The following TERF2IP variants were observed in gnomAD, a reference collection of about 807,000 sequenced individuals.
TERF2IP encodes TERF2 interacting protein, also known as telomeric repeat-binding factor 2-interacting protein 1.
TERF2IP carries 35 observed loss-of-function variants against 33.3 expected under a neutral mutation model. That is an observed-to-expected ratio of 1.05 (90% CI 0.80 to 1.39). TERF2IP has a LOEUF of 1.39. Among genes scored for constraint, TERF2IP ranks in the 40% most tolerant of loss-of-function variants. The probability of loss-of-function intolerance (pLI) is 0.00; values close to 1 mark genes in which losing one functional copy is unlikely to be tolerated. For synonymous variants in TERF2IP, 253 were observed against 223.2 expected (o/e 1.13, Z -1.19); for missense variants, 583 against 524.8 (o/e 1.11, Z -1.08).
At chr16:75,655,402 G>A (rs1363870331) in intron 2 of TERF2IP, among the ~76,000 whole-genome samples, 1 of 152,134 alleles carries the variant, frequency 6.6e-6, no homozygotes, top group African/African-American at 2.4e-5. Context: ...AGCGTCTTGT[G>A]AACTAACAAA....
At position 75,647,819 on chromosome 16, in the gene TERF2IP, G is replaced by A. The variant is rs2082309895; in HGVS notation, c.-64G>A. The A allele has an allele frequency of 4.4e-6, 7 of 1,590,130 alleles. No individual in the cohort carries two copies. The stretch of plus-strand genomic sequence containing the variant: ...GGCGTCTGCGGTGACAGCTCAGTCA[G>A]TTGAGCTCTGTGTGCCAGGCGCTCG... On this transcript the variant is annotated 5_prime_UTR_variant, in exon 1 of 3. Transcript: ENST00000300086.
rs777339949 is a variant in TERF2IP at position 75,647,849 on chromosome 16, G to A, written c.-34G>A. Reference sequence around the variant, plus strand: ...GCTCTGTGTGCCAGGCGCTCGCGAGGGGGTAGCTCTTCTAGTAGTGCTCGG... The same window carrying A: ...GCTCTGTGTGCCAGGCGCTCGCGAGAGGGTAGCTCTTCTAGTAGTGCTCGG... On this transcript the variant is annotated 5_prime_UTR_variant, in exon 1 of 3. Coordinates refer to ENST00000300086, the MANE Select transcript of TERF2IP (RefSeq NM_018975.4). The A allele has an allele frequency of 4.4e-6, 7 of 1,596,522 alleles. No homozygotes were observed. The highest frequency in any genetic ancestry group is 1.7e-5 in the Admixed American group (1 of 58,054).
intron 2 of TERF2IP, 148 bp downstream of exon 2, chr16:75,654,545 GA>G: frequency 2.3e-6 from 2 of 868,232 alleles, no homozygotes; most frequent in Non-Finnish European, 3.3e-6. Context: ...AAATGGGACT[GA>G]TCTGGGCTTC....
chr16:75,648,889 G>A (rs1347996043), intron 1 of TERF2IP, among the ~76,000 whole-genome samples: 1 of 151,034 alleles, frequency 6.6e-6, no homozygotes, highest in East Asian at 2.0e-4. Flanking sequence ...TTGAGTGGGG[G>A]CTCGCTCCGT....
chr16:75,648,669 C>G, intron 1 of TERF2IP, 117 bp downstream of exon 1: 1 of 1,434,252 alleles, frequency 7.0e-7, no homozygotes, highest in Non-Finnish European at 9.1e-7. Context: ...GCCCCGCCCC[C>G]TGTTGACATC....
At chr16:75,652,488 A>T (rs2082354766) in intron 1 of TERF2IP, among the ~76,000 whole-genome samples, 1 of 152,220 alleles carries the variant, frequency 6.6e-6, no homozygotes, top group Admixed American at 6.5e-5. Flanking sequence ...ACCTGATTTT[A>T]GTTCATGGCA....
intron 1 of TERF2IP, chr16:75,648,787 C>G (rs2082324264): frequency 8.3e-7 from 1 of 1,203,008 alleles, no homozygotes; most frequent in Non-Finnish European, 1.1e-6. Flanking sequence ...CTCCTGAGCT[C>G]AAGCGATCCT....
chr16:75,654,918 C>T (rs568915262), intron 2 of TERF2IP, among the ~76,000 whole-genome samples: 17 of 152,164 alleles, frequency 1.1e-4, no homozygotes, highest in East Asian at 5.8e-4. Context: ...TTAGTAGAGA[C>T]GGGGTTTCAC....
chr16:75,648,150 C>G lies in TERF2IP; in HGVS notation c.268C>G (p.Arg90Gly). The part of the protein sequence containing the change: ...STQYILDCVE[R>G]NERLELEAYR... ...GCAGTACATCCTGGACTGCGTGGAG[C>G]GCAACGAGAGGCTGGAGCTGGAGGC... Residue 90 changes from arginine (R) to glycine (G), a missense_variant, in exon 1 of 3, where the codon CGC (arginine) becomes GGC (glycine). Arg to Gly is a moderately radical substitution (Grantham distance 125). Transcript: ENST00000300086. 1.9e-6 allele frequency: 3 copies of G among 1,564,370 alleles called. No homozygotes were observed. In the South Asian group the frequency reaches 3.5e-5, roughly 18 times the overall value.
intron 1 of TERF2IP, among the ~76,000 whole-genome samples, chr16:75,653,845 G>A (rs1434135429): frequency 1.3e-5 from 2 of 152,028 alleles, no homozygotes; most frequent in African/African-American, 2.4e-5. Context: ...TTCTCTCTCT[G>A]CCCACTCCTG....
intron 1 of TERF2IP, among the ~76,000 whole-genome samples, chr16:75,649,273 G>T (rs917430313): frequency 6.6e-5 from 10 of 152,230 alleles, no homozygotes; most frequent in African/African-American, 2.2e-4. Context: ...GCCGGGCGCG[G>T]CGGCTCAAGC....
At chr16:75,651,788 T>C (rs1015759402) in intron 1 of TERF2IP, among the ~76,000 whole-genome samples, 24 of 152,264 alleles carry the variant, frequency 1.6e-4, no homozygotes, top group Non-Finnish European at 3.2e-4. Flanking sequence ...ATAATAAATA[T>C]GTGTGTTGGA....
At chr16:75,650,460 C>T (rs1422307666) in intron 1 of TERF2IP, among the ~76,000 whole-genome samples, 1 of 152,168 alleles carries the variant, frequency 6.6e-6, no homozygotes, top group African/African-American at 2.4e-5. Flanking sequence ...TTAATTATAG[C>T]AGATGAGGTT....
In TERF2IP at chr16:75,656,853, G is replaced by A; in HGVS notation, c.*242G>A. The A allele has an allele frequency of 2.0e-6, 1 of 488,384 alleles. No individual in the cohort carries two copies. Among genetic ancestry groups the A allele is most frequent in the Non-Finnish European group, 3.6e-6 (1 of 276,486 alleles). The allele number at this position is 488,384 out of a possible 1,614,324, so 30.3% of individuals were successfully genotyped here. A position where few individuals can be genotyped will look rare whatever the true frequency, so the allele number is the denominator to read the frequency against. On this transcript the variant is annotated 3_prime_UTR_variant, in exon 3 of 3. Transcript: ENST00000300086. ...ACAAGTATCAATGTGTTTATGAAAG[G>A]AAGATCTAAATCAGACAGGAGTTGG...
Position 75,654,494 on chromosome 16 carries a change from G to C in TERF2IP, c.795+97G>C, listed in dbSNP as rs72563121. On this transcript the variant is annotated intron_variant, in intron 2 of 2. Coordinates refer to ENST00000300086, the MANE Select transcript of TERF2IP (RefSeq NM_018975.4). Reference sequence around the variant, plus strand: ...ACCTTTTTCATCTACCTGGGGCTCAGGAAAGTGAGAGAGGAGTTCAAGATG... The same window carrying C: ...ACCTTTTTCATCTACCTGGGGCTCACGAAAGTGAGAGAGGAGTTCAAGATG... 0.021 allele frequency: 28,065 copies of C among 1,318,914 alleles called. 520 individuals are homozygous for C. Among genetic ancestry groups the C allele is most frequent in the African/African-American group, 0.069 (4,677 of 67,864 alleles). The allele number at this position is 1,318,914 out of a possible 1,614,324, so 81.7% of individuals were successfully genotyped here. A position where few individuals can be genotyped will look rare whatever the true frequency, so the allele number is the denominator to read the frequency against.
In TERF2IP at chr16:75,656,611, A is replaced by C; in HGVS notation, c.1200A>C (p.Ter400TyrextTer4). The change falls in exon 3 of 3, where the codon TAA becomes TAC. Residue 400 changes from the stop codon to tyrosine, a stop_lost. Coordinates refer to ENST00000300086, the MANE Select transcript of TERF2IP (RefSeq NM_018975.4). ...VARRIEFRKK[*>Y] ...GGAGGATTGAATTTCGAAAGAAATA[A>C]TTGGCAAGATAATGAGAAAAGAAAA... 1 of 1,588,844 alleles carries C rather than the reference A, an allele frequency of 6.3e-7. No homozygotes were observed. The highest frequency in any genetic ancestry group is 8.6e-7 in the Non-Finnish European group (1 of 1,168,242).
At chr16:75,650,568 C>T (rs1180474053) in intron 1 of TERF2IP, among the ~76,000 whole-genome samples, 1 of 152,102 alleles carries the variant, frequency 6.6e-6, no homozygotes, top group Admixed American at 6.6e-5. Flanking sequence ...TGGGGTCTTG[C>T]TCTGTCACAC....
intron 1 of TERF2IP, among the ~76,000 whole-genome samples, chr16:75,650,562 G>A (rs950842629): frequency 6.6e-6 from 1 of 152,100 alleles, no homozygotes; most frequent in Admixed American, 6.6e-5. Context: ...TTGAGATGGG[G>A]TCTTGCTCTG....
At position 75,648,117 on chromosome 16, in the gene TERF2IP, A is replaced by T. The variant is rs1391997943; in HGVS notation, c.235A>T (p.Ile79Phe). ...EALAEASGDFISTQYILDCVE... is the reference protein window; with the variant it reads ...EALAEASGDFFSTQYILDCVE... ...GCTGGCCGAGGCCTCGGGTGATTTCATCTCCACGCAGTACATCCTGGACTG... is the reference window on the plus strand; with the variant it reads ...GCTGGCCGAGGCCTCGGGTGATTTCTTCTCCACGCAGTACATCCTGGACTG... The change falls in exon 1 of 3, where the codon ATC becomes TTC. Residue 79 changes from isoleucine to phenylalanine, a missense_variant. Physicochemically the swap from Ile to Phe is conservative, Grantham distance 21 (BLOSUM62 0). Coordinates refer to ENST00000300086, the MANE Select transcript of TERF2IP (RefSeq NM_018975.4). The T allele has an allele frequency of 1.3e-6, 2 of 1,557,822 alleles. No individual in the cohort carries two copies. Among genetic ancestry groups the T allele is most frequent in the Non-Finnish European group, 1.7e-6 (2 of 1,152,170 alleles).
Sources: allele counts gnomAD v4.1 joint callset (sites outside exome capture counted in the v4.1 genomes callset), GRCh38; gene constraint gnomAD v4.1.1; transcripts MANE v1.5; gene names NCBI Gene and HGNC (gene_info 2026-07-23, HGNC 2026-07-21).